TMEM161B: variants seen among roughly 807,000 people sequenced by gnomAD.
TMEM161B encodes the protein transmembrane protein 161B.
In TMEM161B, 34 loss-of-function variants were observed where a neutral mutation model predicts 61.8. The ratio of observed to expected loss-of-function variants is 0.55; its 90% CI spans 0.42 to 0.73. TMEM161B has a LOEUF of 0.73. TMEM161B is among the 30% of genes least tolerant of loss of function. The pLI is 0.00. For synonymous variants in TMEM161B, 167 were observed against 192.8 expected, an observed-to-expected ratio of 0.87 and a Z score of 1.11; for missense variants, 456 against 558.5, an observed-to-expected ratio of 0.82 and a Z score of 1.85.
chr5:88,226,485 A>T (rs1750073480), intron 3 of TMEM161B, among the ~76,000 whole-genome samples: 1 of 152,198 alleles, frequency 6.6e-6, no homozygotes, highest in South Asian at 2.1e-4. Flanking sequence ...GTATTTCTTT[A>T]GACACACAGT....
In TMEM161B at chr5:88,210,620, G is replaced by T. The variant is rs111300289; in HGVS notation, c.447-3440C>A. On this transcript the variant is annotated intron_variant, in intron 5 of 11. Coordinates refer to ENST00000296595, the MANE Select transcript of TMEM161B (RefSeq NM_153354.5). Reference sequence around the variant, plus strand: ...TCAAAAACAGGATGATTAGGTGAAAGTCTACACAGTCAAAGGTAGTACTCA... The same window carrying T: ...TCAAAAACAGGATGATTAGGTGAAATTCTACACAGTCAAAGGTAGTACTCA... Among the ~76,000 whole-genome samples, 1,219 of 152,158 alleles carry T rather than the reference G, an allele frequency of 8.0e-3. 8 individuals carry two copies. Among genetic ancestry groups the T allele is most frequent in the Middle Eastern group, 0.027 (8 of 294 alleles).
At chr5:88,246,819 T>C (rs1753677818) in intron 1 of TMEM161B, among the ~76,000 whole-genome samples, 1 of 152,006 alleles carries the variant, frequency 6.6e-6, no homozygotes, top group Non-Finnish European at 1.5e-5. Flanking sequence ...TGAGCAGAGA[T>C]GCAATGAAAA....
intron 5 of TMEM161B, among the ~76,000 whole-genome samples, chr5:88,218,323 A>C (rs924182129): frequency 6.6e-6 from 1 of 152,166 alleles, no homozygotes; most frequent in African/African-American, 2.4e-5. Context: ...AAAATAATTC[A>C]AAACAATTTT....
downstream of TMEM161B, among the ~76,000 whole-genome samples, chr5:88,188,391 C>T (rs191696045): frequency 2.6e-5 from 4 of 151,736 alleles, no homozygotes; most frequent in East Asian, 7.8e-4. Flanking sequence ...GCTGCGATTA[C>T]AAGAATGAGC....
intron 1 of TMEM161B, among the ~76,000 whole-genome samples, chr5:88,263,351 C>T (rs1330840932): frequency 6.6e-6 from 1 of 152,098 alleles, no homozygotes. Context: ...GAGATTGTCT[C>T]TGTTTTTAAG....
chr5:88,203,515 C>T (rs1744803494), intron 8 of TMEM161B, among the ~76,000 whole-genome samples: 1 of 151,628 alleles, frequency 6.6e-6, no homozygotes, highest in African/African-American at 2.4e-5. Context: ...TCTAGGGCAA[C>T]TGAAACAAAG....
At chr5:88,200,418 G>A (rs957790244) in intron 9 of TMEM161B, 4 of 152,020 alleles carry the variant, frequency 2.6e-5, no homozygotes, top group African/African-American at 9.7e-5. Flanking sequence ...CCCTTTCCTG[G>A]GGACCTATAA....
At chr5:88,190,720 A>G (rs565134632), downstream of TMEM161B, among the ~76,000 whole-genome samples, 1 of 152,130 alleles carries the variant, frequency 6.6e-6, no homozygotes, top group South Asian at 2.1e-4. Flanking sequence ...TTGATATTCT[A>G]TGTCTTTTCT....
intron 3 of TMEM161B, among the ~76,000 whole-genome samples, chr5:88,227,539 C>T (rs951685000): frequency 3.9e-5 from 6 of 151,988 alleles, no homozygotes; most frequent in African/African-American, 1.5e-4. Context: ...AATGAGCTTC[C>T]AGGTATATTT....
At chr5:88,199,630 C>A (rs1743996681) in intron 9 of TMEM161B, 1 of 152,308 alleles carries the variant, frequency 6.6e-6, no homozygotes, top group Admixed American at 6.6e-5. Flanking sequence ...TCTGATATAT[C>A]ATGAAGAAAT....
intron 8 of TMEM161B, among the ~76,000 whole-genome samples, chr5:88,203,788 T>TC (rs1744902348): frequency 5.2e-5 from 4 of 76,428 alleles, no homozygotes; most frequent in Middle Eastern, 5.8e-3. Flanking sequence ...TATATATATA[T>TC]ATATATATAT....
chr5:88,220,693 A>G lies in TMEM161B; in HGVS notation c.316T>C (p.Trp106Arg). Residue 106 changes from tryptophan to arginine, a missense_variant, in exon 5 of 12, where the codon TGG becomes CGG. Trp to Arg is a moderately radical substitution (Grantham distance 101). Coordinates refer to ENST00000296595, the MANE Select transcript of TMEM161B (RefSeq NM_153354.5). ...LALHYFPEYQWLVDFTVAATV... is the reference protein window; with the variant it reads ...LALHYFPEYQRLVDFTVAATV... ...GCAGCCACTGTGAAATCCACCAGCC[A>G]CTGGTATTCTGGAAAGTAATGCAAT... 1 of 1,393,380 alleles carries G rather than the reference A, an allele frequency of 7.2e-7. No individual in the cohort carries two copies. Among genetic ancestry groups the G allele is most frequent in the Non-Finnish European group, 9.8e-7 (1 of 1,024,560 alleles). The allele number at this position is 1,393,380 out of a possible 1,614,324, so 86.3% of individuals were successfully genotyped here. A position where few individuals can be genotyped will look rare whatever the true frequency, so the allele number is the denominator to read the frequency against.
chr5:88,186,596 A>G (rs183007944), downstream of TMEM161B, among the ~76,000 whole-genome samples: 25 of 152,014 alleles, frequency 1.6e-4, no homozygotes, highest in Admixed American at 1.2e-3. Context: ...TTTGATGAGC[A>G]TAAGTTTTTA....
At chr5:88,256,949 T>G (rs995679127) in intron 1 of TMEM161B, among the ~76,000 whole-genome samples, 7 of 152,240 alleles carry the variant, frequency 4.6e-5, no homozygotes, top group African/African-American at 1.7e-4. Context: ...GACAATCTCC[T>G]CATTTTAATG....
At chr5:88,198,926 TACAGTGC>T in intron 10 of TMEM161B, 43 bp downstream of exon 10, 1 of 1,492,562 alleles carries the variant, frequency 6.7e-7, no homozygotes, top group Non-Finnish European at 9.0e-7. Context: ...TTTTTTTTTT[TACAGTGC>T]GGTTTTTGCT....
intron 5 of TMEM161B, among the ~76,000 whole-genome samples, chr5:88,215,484 C>T (rs1445468382): frequency 1.1e-5 from 1 of 93,886 alleles, no homozygotes; most frequent in Non-Finnish European, 2.3e-5. Context: ...TTATCACATG[C>T]TACAGGTTTG....
chr5:88,220,045 T>C (rs1748632095), intron 5 of TMEM161B, among the ~76,000 whole-genome samples: 1 of 151,804 alleles, frequency 6.6e-6, no homozygotes. Flanking sequence ...ACCAATTCTG[T>C]GGAAGTTTAC....
At chr5:88,188,567 G>A (rs1748505980), downstream of TMEM161B, among the ~76,000 whole-genome samples, 1 of 152,146 alleles carries the variant, frequency 6.6e-6, no homozygotes, top group South Asian at 2.1e-4. Context: ...TGATTGGACT[G>A]AGGATACAAA....
chr5:88,230,178 C>T (rs1441534470), intron 2 of TMEM161B, among the ~76,000 whole-genome samples: 3 of 151,774 alleles, frequency 2.0e-5, no homozygotes, highest in Admixed American at 2.0e-4. Context: ...AAAGTAAGAC[C>T]CTATCTCAAA....
Sources: gnomAD v4.1 joint callset for allele counts (sites outside exome capture counted in the v4.1 genomes callset) on GRCh38, gnomAD v4.1.1 for gene constraint, MANE v1.5 for transcripts, NCBI Gene and HGNC (gene_info 2026-07-23, HGNC 2026-07-21) for gene names.